The following GRID2 variants were observed in gnomAD, a reference collection of about 807,000 sequenced individuals.
The protein encoded by GRID2 is glutamate ionotropic receptor delta type subunit 2.
A neutral mutation model predicts 114.8 loss-of-function variants in GRID2; 33 were observed. The ratio of observed to expected loss-of-function variants is 0.29; its 90% CI spans 0.22 to 0.38. The LOEUF is 0.38. Ranked by LOEUF, GRID2 falls within the 10% of genes least tolerant of loss-of-function variation. The pLI is 1.00. For missense variants in GRID2, 1,184 were observed against 1,257.7 expected (o/e 0.94, Z 0.89); for synonymous variants, 505 against 449.9 (o/e 1.12, Z -1.55).
chr4:92,708,174 G>A (rs533025115), intron 2 of GRID2, among the ~76,000 whole-genome samples: 3 of 152,274 alleles, frequency 2.0e-5, no homozygotes, highest in African/African-American at 2.4e-5. Flanking sequence ...CAGTTTAAGC[G>A]AAGGGAATGA....
intron 2 of GRID2, among the ~76,000 whole-genome samples, chr4:92,768,390 G>A (rs1412433305): frequency 6.6e-6 from 1 of 152,146 alleles, no homozygotes; most frequent in African/African-American, 2.4e-5. Context: ...ATGCCACATG[G>A]TTGTTCTTAA....
intron 1 of GRID2, among the ~76,000 whole-genome samples, chr4:92,469,227 A>C (rs146446679): frequency 3.2e-4 from 48 of 152,228 alleles, no homozygotes; most frequent in African/African-American, 1.1e-3. Flanking sequence ...AAGTGCTTTT[A>C]TATTCTGTTG....
chr4:92,819,137 G>A (rs557037076), intron 2 of GRID2, among the ~76,000 whole-genome samples: 7 of 152,044 alleles, frequency 4.6e-5, no homozygotes, highest in Admixed American at 2.0e-4. Context: ...CAAATGTTAC[G>A]GCAATAGGAA....
intron 13 of GRID2, among the ~76,000 whole-genome samples, chr4:93,535,689 A>G (rs1223149231): frequency 6.6e-6 from 1 of 151,990 alleles, no homozygotes; most frequent in Non-Finnish European, 1.5e-5. Flanking sequence ...GGCCATTTGT[A>G]TACCCTCTTT....
At chr4:93,437,836 T>C (rs749543821) in intron 10 of GRID2, among the ~76,000 whole-genome samples, 12 of 152,112 alleles carry the variant, frequency 7.9e-5, no homozygotes, top group Non-Finnish European at 1.6e-4. Context: ...ACTACTCCCA[T>C]CTCTTAGTAA....
chr4:93,080,836 T>C lies in GRID2; in HGVS notation c.245-4159T>C, dbSNP rs550631084. Among the ~76,000 whole-genome samples, 303 of 152,318 alleles carry C rather than the reference T, an allele frequency of 2.0e-3. 2 individuals carry two copies. The highest frequency in any genetic ancestry group is 7.2e-3 in the African/African-American group (298 of 41,590). On this transcript the variant is annotated intron_variant, in intron 2 of 15. Coordinates refer to ENST00000282020, the MANE Select transcript of GRID2 (RefSeq NM_001510.4). ...AACAGAAACTTATTTTCTCACAGTT[T>C]AAGAGGCTGGGAAGTCAAGATCAAT... is the stretch of plus-strand genomic sequence containing the variant.
intron 8 of GRID2, among the ~76,000 whole-genome samples, chr4:93,326,944 T>C (rs1368479945): frequency 6.6e-6 from 1 of 152,234 alleles, no homozygotes; most frequent in South Asian, 2.1e-4. Context: ...CACATCTGTT[T>C]GCTAAATGTA....
chr4:93,757,179 A>G (rs950842493), intron 14 of GRID2, among the ~76,000 whole-genome samples: 1 of 152,184 alleles, frequency 6.6e-6, no homozygotes, highest in African/African-American at 2.4e-5. Context: ...TTAATAGTGC[A>G]TAGTTTAGTA....
At chr4:92,865,828 C>G (rs767771410) in intron 2 of GRID2, among the ~76,000 whole-genome samples, 2 of 152,072 alleles carry the variant, frequency 1.3e-5, no homozygotes, top group South Asian at 2.1e-4. Context: ...AACGGCAAAG[C>G]AAAAATACTC....
At chr4:93,233,874 A>T (rs1259117775) in intron 7 of GRID2, among the ~76,000 whole-genome samples, 2 of 152,140 alleles carry the variant, frequency 1.3e-5, no homozygotes, top group Non-Finnish European at 2.9e-5. Flanking sequence ...GTGATTTAAT[A>T]AGTGTGTGAG....
chr4:93,175,409 G>A (rs1240503006), intron 4 of GRID2, among the ~76,000 whole-genome samples: 2 of 152,080 alleles, frequency 1.3e-5, no homozygotes, highest in Non-Finnish European at 2.9e-5. Flanking sequence ...GACCTCAAGC[G>A]ATCCACCTGC....
chr4:92,374,220 A>G (rs1729249633), intron 1 of GRID2, among the ~76,000 whole-genome samples: 1 of 152,136 alleles, frequency 6.6e-6, no homozygotes, highest in Non-Finnish European at 1.5e-5. Context: ...TTTACAACTT[A>G]TTCTCTTTAA....
intron 14 of GRID2, among the ~76,000 whole-genome samples, chr4:93,656,249 A>T (rs1722981890): frequency 6.6e-6 from 1 of 152,100 alleles, no homozygotes; most frequent in Admixed American, 6.5e-5. Context: ...ATTAGAACAG[A>T]TAAATGTATT....
At chr4:92,441,621 G>A (rs1733086568) in intron 1 of GRID2, among the ~76,000 whole-genome samples, 1 of 152,104 alleles carries the variant, frequency 6.6e-6, no homozygotes, top group South Asian at 2.1e-4. Flanking sequence ...GGAATTGTAA[G>A]GAGAGTTTAT....
chr4:92,925,478 G>C (rs1179376855), intron 2 of GRID2, among the ~76,000 whole-genome samples: 1 of 152,010 alleles, frequency 6.6e-6, no homozygotes, highest in Non-Finnish European at 1.5e-5. Flanking sequence ...TTTAAGAAGA[G>C]TATATTTCCT....
intron 2 of GRID2, among the ~76,000 whole-genome samples, chr4:92,850,868 T>G (rs1257931014): frequency 6.6e-6 from 1 of 151,876 alleles, no homozygotes; most frequent in East Asian, 1.9e-4. Flanking sequence ...ATCCAGAGAC[T>G]TTAAGTGAGT....
chr4:92,854,778 A>T (rs1560641853), intron 2 of GRID2, among the ~76,000 whole-genome samples: 1 of 152,024 alleles, frequency 6.6e-6, no homozygotes, highest in Non-Finnish European at 1.5e-5. Flanking sequence ...TTATTAATGT[A>T]AATAATAAAA....
chr4:92,454,911 C>A (rs997086582), intron 1 of GRID2, among the ~76,000 whole-genome samples: 2 of 152,068 alleles, frequency 1.3e-5, no homozygotes, highest in Non-Finnish European at 2.9e-5. Flanking sequence ...TTATGTTGTC[C>A]CAAAAACTCA....
intron 2 of GRID2, among the ~76,000 whole-genome samples, chr4:92,790,591 A>AT (rs1397890088): frequency 1.3e-5 from 2 of 151,494 alleles, no homozygotes; most frequent in South Asian, 2.1e-4. Flanking sequence ...AATTTTGTTT[A>AT]TTTTTTGTAG....
Sources: allele counts gnomAD v4.1 joint callset (sites outside exome capture counted in the v4.1 genomes callset), GRCh38; gene constraint gnomAD v4.1.1; transcripts MANE v1.5; gene names NCBI Gene and HGNC (gene_info 2026-07-23, HGNC 2026-07-21).